NENF: variants seen among roughly 807,000 people sequenced by gnomAD.
NENF encodes neudesin neurotrophic factor.
NENF carries 6 observed loss-of-function variants against 14.8 expected under a neutral mutation model. That is an observed-to-expected ratio of 0.40 (90% CI 0.22 to 0.80). NENF has a LOEUF of 0.80. Among genes scored for constraint, NENF ranks in the 30% least tolerant of loss-of-function variants. The probability of loss-of-function intolerance (pLI) is 0.34; values close to 1 mark genes in which losing one functional copy is unlikely to be tolerated. For synonymous variants in NENF, 76 were observed against 95.1 expected (o/e 0.80, Z 1.17); for missense variants, 184 against 212.7 (o/e 0.87, Z 0.84).
intron 1 of NENF, among the ~76,000 whole-genome samples, chr1:212,435,184 A>T (rs914973170): frequency 6.6e-6 from 1 of 152,202 alleles, no homozygotes; most frequent in Non-Finnish European, 1.5e-5. Context: ...GCAAATTACT[A>T]AACCTCTCTG....
intron 2 of NENF, 74 bp from the exon 3 acceptor site, chr1:212,444,265 G>A (rs991514551): frequency 1.9e-5 from 18 of 932,884 alleles, no homozygotes; most frequent in East Asian, 8.3e-5. Flanking sequence ...CCTTGGGAGC[G>A]CCCCCACGTG....
rs200063685 is a variant in NENF at position 212,445,254 on chromosome 1, C to CAA, written c.343-564_343-563dup. 6.0e-3 allele frequency among the ~76,000 whole-genome samples: 855 copies of CAA among 142,256 alleles called. 3 individuals are homozygous for CAA. The highest frequency in any genetic ancestry group is 0.011 in the Middle Eastern group (3 of 280). The allele number at this position is 142,256 out of a possible 152,430, so 93.3% of individuals were successfully genotyped here. A position where few individuals can be genotyped will look rare whatever the true frequency, so the allele number is the denominator to read the frequency against. On this transcript the variant is annotated intron_variant, in intron 3 of 3. Coordinates refer to ENST00000366988, the MANE Select transcript of NENF (RefSeq NM_013349.5). Reference sequence around the variant, plus strand: ...TGGGCAACAGAGTGAGACTCCATCTCAAAAAAAAAAAAATTTGTTTTTTAA... The same window carrying CAA: ...TGGGCAACAGAGTGAGACTCCATCTCAAAAAAAAAAAAAAATTTGTTTTTTAA...
At chr1:212,434,107 T>C (rs779105758) in intron 1 of NENF, among the ~76,000 whole-genome samples, 3 of 152,140 alleles carry the variant, frequency 2.0e-5, no homozygotes, top group Non-Finnish European at 4.4e-5. Context: ...ACCTGGCCCT[T>C]AGTCAGTGAT....
chr1:212,433,366 C>T lies in NENF; in HGVS notation c.177+246C>T, dbSNP rs1163047448. ...CACACCCCACCCTGAACTTCTCCCT[C>T]GGTCCCCGGGAGATTTCCCCTCTAG... On this transcript the variant is annotated intron_variant, in intron 1 of 3. Transcript: ENST00000366988. The surrounding 1 kb of genome is among the most constrained non-coding windows in gnomAD (Gnocchi z 5.5). Among the ~76,000 whole-genome samples, 2 of 152,138 alleles carry T rather than the reference C, an allele frequency of 1.3e-5. No homozygotes were observed. Among genetic ancestry groups the T allele is most frequent in the Non-Finnish European group, 2.9e-5 (2 of 68,020 alleles).
intron 1 of NENF, among the ~76,000 whole-genome samples, chr1:212,439,492 A>G (rs1277833165): frequency 6.6e-6 from 1 of 151,602 alleles, no homozygotes; most frequent in Non-Finnish European, 1.5e-5. Flanking sequence ...CGATGAGCCA[A>G]GATCATGACA....
chr1:212,439,286 A>C (rs1662661123), intron 1 of NENF, among the ~76,000 whole-genome samples: 1 of 151,964 alleles, frequency 6.6e-6, no homozygotes, highest in Non-Finnish European at 1.5e-5. Flanking sequence ...TAATCCCAGC[A>C]CTTTGGGAGG....
intron 3 of NENF, among the ~76,000 whole-genome samples, chr1:212,445,174 G>C (rs991714155): frequency 6.6e-6 from 1 of 151,760 alleles, no homozygotes; most frequent in African/African-American, 2.4e-5. Flanking sequence ...AGAATCGCTC[G>C]AATCCAGGGG....
chr1:212,434,107 TAGTC>T (rs1662567681), intron 1 of NENF, among the ~76,000 whole-genome samples: 1 of 152,140 alleles, frequency 6.6e-6, no homozygotes, highest in Admixed American at 6.5e-5. Flanking sequence ...ACCTGGCCCT[TAGTC>T]AGTGATGCCA....
At chr1:212,438,603 G>A (rs1275502061) in intron 1 of NENF, among the ~76,000 whole-genome samples, 7 of 150,870 alleles carry the variant, frequency 4.6e-5, no homozygotes, top group Admixed American at 2.7e-4. Flanking sequence ...TTTGTTTTGC[G>A]TGTGTGTGTC....
chr1:212,444,704 C>G lies in NENF; in HGVS notation c.342+262C>G, dbSNP rs147387264. On this transcript the variant is annotated intron_variant, in intron 3 of 3. Transcript: ENST00000366988. ...AGAAACCTTCCATGGCTGTCTGTTG[C>G]CTAGAGTCAAGTCCAAACTCTTATG... is the stretch of plus-strand genomic sequence containing the variant. Among the ~76,000 whole-genome samples, 19 of 152,200 alleles carry G rather than the reference C, an allele frequency of 1.2e-4. No homozygotes were observed. In the East Asian group the frequency reaches 3.5e-3, roughly 28 times the overall value.
chr1:212,433,176 G>A lies in NENF; in HGVS notation c.177+56G>A, dbSNP rs1662547594. 9.2e-7 allele frequency: 1 copy of A among 1,088,716 alleles called. No homozygotes were observed. Among genetic ancestry groups the A allele is most frequent in the African/African-American group, 1.7e-5 (1 of 60,186 alleles). The allele number at this position is 1,088,716 out of a possible 1,614,324, so 67.4% of individuals were successfully genotyped here. ...CGGGGTGGCGTCCGATCTGCGGCGA[G>A]CCGAGCGGGGACCCAGGAGGCGCCG... On this transcript the variant is annotated intron_variant, in intron 1 of 3. Coordinates refer to ENST00000366988, the MANE Select transcript of NENF (RefSeq NM_013349.5). The surrounding 1 kb of genome is among the most constrained non-coding windows in gnomAD (Gnocchi z 5.5).
chr1:212,440,693 G>A (rs1385913358), intron 1 of NENF, among the ~76,000 whole-genome samples: 2 of 152,188 alleles, frequency 1.3e-5, no homozygotes, highest in Non-Finnish European at 2.9e-5. Flanking sequence ...AGGCAGAGAA[G>A]CAGGCCTGAG....
intron 3 of NENF, 131 bp downstream of exon 3, chr1:212,444,573 G>A: frequency 4.3e-6 from 2 of 462,418 alleles, no homozygotes; most frequent in Non-Finnish European, 3.6e-6. Flanking sequence ...GTGTGTATCT[G>A]GGCAAGAGCA....
At chr1:212,445,254 C>CAAA (rs200063685) in intron 3 of NENF, among the ~76,000 whole-genome samples, 1 of 142,218 alleles carries the variant, frequency 7.0e-6, no homozygotes, top group Non-Finnish European at 1.5e-5. Flanking sequence ...GACTCCATCT[C>CAAA]AAAAAAAAAA....
chr1:212,440,733 T>A (rs1490384585), intron 1 of NENF, among the ~76,000 whole-genome samples: 1 of 152,164 alleles, frequency 6.6e-6, no homozygotes, highest in Non-Finnish European at 1.5e-5. Flanking sequence ...TGTGTTTCCT[T>A]GGGCAAGTTG....
intron 2 of NENF, 28 bp downstream of exon 2, chr1:212,442,653 A>G: frequency 1.3e-6 from 2 of 1,583,514 alleles, no homozygotes; most frequent in Non-Finnish European, 1.7e-6. Flanking sequence ...TTGAATCTTC[A>G]TTTCCAGGGA....
At chr1:212,442,408 C>G in intron 1 of NENF, 157 bp from the exon 2 acceptor site, 1 of 626,734 alleles carries the variant, frequency 1.6e-6, no homozygotes, top group Non-Finnish European at 2.9e-6. Flanking sequence ...GCTGCCCAGG[C>G]AGGTGGCAAG....
chr1:212,438,739 C>G (rs1662647865), intron 1 of NENF, among the ~76,000 whole-genome samples: 1 of 151,788 alleles, frequency 6.6e-6, no homozygotes, highest in Admixed American at 6.6e-5. Flanking sequence ...GCCTCAGCCT[C>G]CCCAGTAGCT....
At chr1:212,443,373 A>G (rs140542916) in intron 2 of NENF, among the ~76,000 whole-genome samples, 153 of 152,260 alleles carry the variant, frequency 1.0e-3, no homozygotes, top group African/African-American at 3.5e-3. Context: ...GCTTCCACCA[A>G]CATTTAAGAA....
Sources: allele counts gnomAD v4.1 joint callset (sites outside exome capture counted in the v4.1 genomes callset), GRCh38; gene constraint gnomAD v4.1.1; non-coding constraint Gnocchi (gnomAD v3.1); transcripts MANE v1.5; gene names NCBI Gene and HGNC (gene_info 2026-07-23, HGNC 2026-07-21).